CAND2: variants seen among roughly 807,000 people sequenced by gnomAD.
CAND2 encodes the protein cullin-associated NEDD8-dissociated protein 2.
A neutral mutation model predicts 98.9 loss-of-function variants in CAND2; 62 were observed. The ratio of observed to expected loss-of-function variants is 0.63; its 90% CI spans 0.51 to 0.77. The LOEUF is 0.77. Ranked by LOEUF, CAND2 falls within the 30% of genes least tolerant of loss-of-function variation. The pLI, the probability that CAND2 is intolerant of heterozygous loss-of-function variation, is 0.00. For synonymous variants in CAND2, 770 were observed against 731.9 expected (o/e 1.05, Z -0.84); for missense variants, 1,501 against 1,655.2 (o/e 0.91, Z 1.62).
Position 12,833,897 on chromosome 3 carries a change from C to T in CAND2, c.3626C>T (p.Ser1209Phe), listed in dbSNP as rs370632384. The change falls in exon 15 of 15, where the codon TCC (serine) becomes TTC (phenylalanine). Residue 1209 changes from serine to phenylalanine, a missense_variant. Ser to Phe is a radical substitution (Grantham distance 155). Around this residue, in one of 3 missense-constraint regions of CAND2, gnomAD observed 1,427 missense variants for 1,545.3 expected, o/e 0.92. Coordinates refer to ENST00000456430, the MANE Select transcript of CAND2 (RefSeq NM_001162499.2). Reference sequence around the variant, plus strand: ...GCCGACTTCTCTTCCCAAATCAGATCCAACCCTGAACTTGCTGCCCTCTTT... The same window carrying T: ...GCCGACTTCTCTTCCCAAATCAGATTCAACCCTGAACTTGCTGCCCTCTTT... Reference protein sequence around the residue: ...IMADFSSQIRSNPELAALFES... With the variant: ...IMADFSSQIRFNPELAALFES... The T allele has an allele frequency of 1.5e-5, 25 of 1,614,092 alleles. No individual in the cohort carries two copies. Among genetic ancestry groups the T allele is most frequent in the Non-Finnish European group, 2.0e-5 (24 of 1,180,048 alleles).
chr3:12,824,868 A>G (rs780584214), intron 11 of CAND2, among the ~76,000 whole-genome samples: 1 of 152,168 alleles, frequency 6.6e-6, no homozygotes, highest in African/African-American at 2.4e-5. Flanking sequence ...AGATCACACC[A>G]CTGCACTCCA....
At position 12,810,396 on chromosome 3, in the gene CAND2, A is replaced by G. The variant is rs934531334; in HGVS notation, c.757+72A>G. ...TTAGGGTGAGCCAATGACTCGGTAA[A>G]GGGGCGGAGCTTGGGCCGCAGTGCA... On this transcript the variant is annotated intron_variant, in intron 5 of 14. Transcript: ENST00000456430. 12 of 1,201,884 alleles carry G rather than the reference A, an allele frequency of 1.0e-5. No individual in the cohort carries two copies. The South Asian group carries it at 1.1e-4, about 11-fold the overall frequency. 74.5% of individuals were successfully genotyped at this position (1,201,884 alleles called of 1,614,324 possible).
Position 12,815,374 on chromosome 3 carries a change from C to G in CAND2, c.1240C>G (p.Leu414Val), listed in dbSNP as rs2061889771. Residue 414 changes from leucine to valine, a missense_variant, in exon 8 of 15, where the codon CTG becomes GTG. Around this residue, in one of 3 missense-constraint regions of CAND2, gnomAD observed 1,427 missense variants for 1,545.3 expected, o/e 0.92. Transcript: ENST00000456430. This position sits in a 1 kb window ranked among gnomAD's most constrained non-coding sequence, Gnocchi z 5.7. The stretch of plus-strand genomic sequence containing the variant: ...GCAAACACAGCCCCCGAAGGGATGG[C>G]TGGAGGCCATGGAGGAACCCACCCA... ...LRQTQPPKGW[L>V]EAMEEPTQTG... 6.2e-7 allele frequency: 1 copy of G among 1,613,904 alleles called. No homozygotes were observed. Among genetic ancestry groups the G allele is most frequent in the African/African-American group, 1.3e-5 (1 of 75,070 alleles).
chr3:12,824,614 T>C (rs1273055424), intron 11 of CAND2, among the ~76,000 whole-genome samples: 1 of 152,146 alleles, frequency 6.6e-6, no homozygotes, highest in African/African-American at 2.4e-5. Context: ...ATTCAAATCA[T>C]AGCACTGTAC....
Position 12,810,168 on chromosome 3 carries a change from C to G in CAND2, c.601C>G (p.His201Asp). The change falls in exon 5 of 15, where the codon CAC becomes GAC. Residue 201 changes from histidine to aspartate, a missense_variant. This residue lies in a region of CAND2 where 1,427 missense variants were observed against 1,545.3 expected (regional missense o/e 0.92). Coordinates refer to ENST00000456430, the MANE Select transcript of CAND2 (RefSeq NM_001162499.2). ...CAAGCGGGCGGTCGGAGCGCTTGGC[C>G]ACCTGGCGGCCGCCTGCAGCACCGA... ...VRKRAVGALG[H>D]LAAACSTDLF... 6.5e-7 allele frequency: 1 copy of G among 1,530,304 alleles called. No individual in the cohort carries two copies. Among genetic ancestry groups the G allele is most frequent in the Non-Finnish European group, 8.7e-7 (1 of 1,144,432 alleles). The allele number at this position is 1,530,304 out of a possible 1,614,324, so 94.8% of individuals were successfully genotyped here. A position where few individuals can be genotyped will look rare whatever the true frequency, so the allele number is the denominator to read the frequency against.
chr3:12,823,777 A>C (rs915100746), intron 11 of CAND2, among the ~76,000 whole-genome samples: 1 of 151,416 alleles, frequency 6.6e-6, no homozygotes, highest in African/African-American at 2.4e-5. Context: ...CACGCCTATA[A>C]TCCCAGCTAC....
At chr3:12,833,276 C>T (rs888059388) in intron 14 of CAND2, among the ~76,000 whole-genome samples, 7 of 152,124 alleles carry the variant, frequency 4.6e-5, no homozygotes, top group African/African-American at 9.7e-5. Context: ...GCTTACACTC[C>T]GGCTGCATCT....
intron 1 of CAND2, among the ~76,000 whole-genome samples, chr3:12,801,964 C>T (rs1054483565): frequency 2.6e-5 from 4 of 152,220 alleles, no homozygotes; most frequent in Admixed American, 6.5e-5. Context: ...GGACAGGGCT[C>T]GCCCTCCTCC....
Position 12,810,341 on chromosome 3 carries a change from CG to C in CAND2, c.757+21del. 1 of 1,424,472 alleles carries C rather than the reference CG, an allele frequency of 7.0e-7. No homozygotes were observed. Among genetic ancestry groups the C allele is most frequent in the Non-Finnish European group, 9.2e-7 (1 of 1,090,838 alleles). 88.2% of individuals were successfully genotyped at this position (1,424,472 alleles called of 1,614,324 possible). On this transcript the variant is annotated intron_variant, in intron 5 of 14. Transcript: ENST00000456430. ...ACCGCCTCGGTAAGGGGGCAGGGGG[CG>C]GGGCCTGGGCTGGCATGGTGGGCGG... is the stretch of plus-strand genomic sequence containing the variant.
chr3:12,813,808 G>T (rs577784093), intron 7 of CAND2, among the ~76,000 whole-genome samples: 1 of 152,292 alleles, frequency 6.6e-6, no homozygotes, highest in East Asian at 1.9e-4. Context: ...CCCAGCAGAG[G>T]AAAGCTCTGA....
rs1343733720 is a variant in CAND2, at chr3:12,815,444, C to T, written c.1299+11C>T. 6.2e-7 allele frequency: 1 copy of T among 1,600,568 alleles called. No homozygotes were observed. Among genetic ancestry groups the T allele is most frequent in the Non-Finnish European group, 8.5e-7 (1 of 1,170,690 alleles). On this transcript the variant is annotated intron_variant, in intron 8 of 14. Transcript: ENST00000456430. This position sits in a 1 kb window ranked among gnomAD's most constrained non-coding sequence, Gnocchi z 5.7. ...ATGCTACGTGGACAGGTGGGCGTGC[C>T]TTCACCTCCACCCCTACCCCCGATT...
intron 13 of CAND2, among the ~76,000 whole-genome samples, chr3:12,829,914 A>G (rs56357080): frequency 0.11 from 16,760 of 152,254 alleles, 1,003 homozygotes; most frequent in South Asian, 0.2. Context: ...ACTCACTGCT[A>G]CACATGTATG....
Position 12,813,039 on chromosome 3 carries a change from G to C in CAND2, c.807G>C (p.Leu269=). Residue 269 remains leucine (L), a synonymous_variant, in exon 6 of 15, where the codon CTG becomes CTC. Coordinates refer to ENST00000456430, the MANE Select transcript of CAND2 (RefSeq NM_001162499.2). ...LVPLVEDFCN[L]DDDELRESCL... ...CCCTGGTGGAGGATTTCTGCAACCT[G>C]GATGATGATGAGCTCCGGGAGTCCT... 6.3e-7 allele frequency: 1 copy of C among 1,584,792 alleles called. No homozygotes were observed. Among genetic ancestry groups the C allele is most frequent in the Non-Finnish European group, 8.6e-7 (1 of 1,166,436 alleles).
chr3:12,801,497 G>A (rs375439925), intron 1 of CAND2, among the ~76,000 whole-genome samples: 1 of 152,136 alleles, frequency 6.6e-6, no homozygotes, highest in Non-Finnish European at 1.5e-5. Context: ...CCCAATTCCC[G>A]CACCATTCCT....
chr3:12,825,374 C>G, intron 11 of CAND2, 96 bp from the exon 12 acceptor site: 1 of 1,250,014 alleles, frequency 8.0e-7, no homozygotes. Context: ...TCAGCCAGTT[C>G]TGCACGTGCA....
At chr3:12,827,372 G>A in intron 12 of CAND2, 68 bp from the exon 13 acceptor site, 1 of 1,456,018 alleles carries the variant, frequency 6.9e-7, no homozygotes, top group Non-Finnish European at 9.4e-7. Context: ...TGTGGGGTTT[G>A]TAGCAGAAGC....
chr3:12,803,481 T>C lies in CAND2; in HGVS notation c.69-7T>C. On this transcript the variant is annotated splice_polypyrimidine_tract_variant and splice_region_variant and intron_variant, in intron 1 of 14. Coordinates refer to ENST00000456430, the MANE Select transcript of CAND2 (RefSeq NM_001162499.2). ...GCTCAGCAATCTCCTCCACCCTCCC[T>C]GTGCAGGTTCATGGCCACCAGCGAC... The C allele has an allele frequency of 6.3e-7, 1 of 1,599,950 alleles. No homozygotes were observed. Among genetic ancestry groups the C allele is most frequent in the African/African-American group, 1.3e-5 (1 of 74,842 alleles).
rs200397471 is a variant in CAND2 at position 12,813,090 on chromosome 3, G to C, written c.858G>C (p.Leu286Phe). 4 of 1,575,868 alleles carry C rather than the reference G, an allele frequency of 2.5e-6. No homozygotes were observed. In the East Asian group the frequency reaches 9.1e-5, roughly 36 times the overall value. Residue 286 changes from leucine to phenylalanine, a missense_variant, in exon 6 of 15, where the codon TTG (leucine) becomes TTC (phenylalanine). Coordinates refer to ENST00000456430, the MANE Select transcript of CAND2 (RefSeq NM_001162499.2). ...ESCLQAFEAF[L>F]RKCPKEMGPH... ...GCCTCCAGGCTTTTGAGGCCTTCTT[G>C]AGGAAGTATGTATGGTGGGGTTGCC...
chr3:12,820,003 G>A (rs999423860), intron 10 of CAND2, 83 bp from the exon 11 acceptor site: 14 of 1,059,346 alleles, frequency 1.3e-5, no homozygotes, highest in Non-Finnish European at 2.1e-5. Context: ...GGAAGCAGGG[G>A]GAGGAGCCTA....
Sources: gnomAD v4.1 joint callset for allele counts (sites outside exome capture counted in the v4.1 genomes callset) on GRCh38, gnomAD v4.1.1 for gene constraint, gnomAD v4.1.1 regional missense constraint, Gnocchi (gnomAD v3.1) non-coding constraint, MANE v1.5 for transcripts, NCBI Gene and HGNC (gene_info 2026-07-23, HGNC 2026-07-21) for gene names.